The following ABHD8 variants were observed in gnomAD, a reference collection of about 807,000 sequenced individuals.
ABHD8 encodes the protein abhydrolase domain containing 8.
A neutral mutation model predicts 29.3 loss-of-function variants in ABHD8; 10 were observed. That is an observed-to-expected ratio of 0.34 (90% CI 0.21 to 0.58). The LOEUF is 0.58. Among genes scored for constraint, ABHD8 ranks in the 20% least tolerant of loss-of-function variants. The pLI, the probability that ABHD8 is intolerant of heterozygous loss-of-function variation, is 0.85. For missense variants in ABHD8, 556 were observed against 615.3 expected (o/e 0.90, Z 1.02); for synonymous variants, 282 against 274.6 (o/e 1.03, Z -0.27).
intron 2 of ABHD8, 91 bp from the exon 3 acceptor site, chr19:17,294,936 T>C: frequency 6.8e-7 from 1 of 1,478,406 alleles, no homozygotes. Flanking sequence ...TTGTTTTTGT[T>C]TTTGTTTGAG....
At chr19:17,299,108 A>T (rs911395180) in intron 2 of ABHD8, among the ~76,000 whole-genome samples, 2 of 152,040 alleles carry the variant, frequency 1.3e-5, no homozygotes, top group African/African-American at 2.4e-5. Context: ...GTCTGATTAC[A>T]TATGCTAATG....
At chr19:17,294,966 C>A in intron 2 of ABHD8, 121 bp from the exon 3 acceptor site, 9 of 1,261,720 alleles carry the variant, frequency 7.1e-6, no homozygotes, top group Non-Finnish European at 9.8e-6. Context: ...CTCTGTCCCC[C>A]AGGCTGGAAT....
Position 17,301,264 on chromosome 19 carries a change from T to A in ABHD8, c.353A>T (p.Glu118Val). ...NGSGEPPAAL[E>V]VELADPAGSD... Reference sequence around the variant, plus strand: ...GCCCGCCGGATCTGCCAGCTCCACCTCCAGGGCGGCCGGCGGCTCCCCAGA... The same window carrying A: ...GCCCGCCGGATCTGCCAGCTCCACCACCAGGGCGGCCGGCGGCTCCCCAGA... The change falls in exon 2 of 5, where the codon GAG becomes GTG. Residue 118 changes from glutamate (E) to valine (V), a missense_variant. Around this residue, in one of 2 missense-constraint regions of ABHD8, gnomAD observed 286 missense variants for 261.4 expected, o/e 1.09. Transcript: ENST00000247706. The A allele has an allele frequency of 6.2e-7, 1 of 1,602,482 alleles. No individual in the cohort carries two copies. Among genetic ancestry groups the A allele is most frequent in the Non-Finnish European group, 8.5e-7 (1 of 1,177,686 alleles).
chr19:17,301,558 G>T lies in ABHD8; in HGVS notation c.59C>A (p.Ala20Asp). 1 of 1,599,880 alleles carries T rather than the reference G, an allele frequency of 6.3e-7. No individual in the cohort carries two copies. The change falls in exon 2 of 5, where the codon GCC becomes GAC. Residue 20 changes from alanine (A) to aspartate (D), a missense_variant. Ala to Asp is a moderately radical substitution (Grantham distance 126, BLOSUM62 -2). Around this residue, in one of 2 missense-constraint regions of ABHD8, gnomAD observed 286 missense variants for 261.4 expected, o/e 1.09. Transcript: ENST00000247706. ...FCCLLGTPPN[A>D]VGPLESVESS... ...CTCGACGCTCTCCAGTGGCCCCACG[G>T]CGTTGGGGGGCGTGCCCAGCAGGCA...
Position 17,300,876 on chromosome 19 carries a change from C to T in ABHD8, c.741G>A (p.Val247=). The change falls in exon 2 of 5, where the codon GTG becomes GTA. Residue 247 remains valine, a synonymous_variant. Coordinates refer to ENST00000247706, the MANE Select transcript of ABHD8 (RefSeq NM_024527.5). ...CTTACCCGTAGGAATGGCCAATGAG[C>T]ACATTTCGCTTCTTGGCATAGCGCT... ...IFKRYAKKRN[V]LIGHSYGVSF... 6.3e-7 allele frequency: 1 copy of T among 1,597,796 alleles called. No homozygotes were observed. The highest frequency in any genetic ancestry group is 1.7e-5 in the Admixed American group (1 of 58,700).
At chr19:17,294,920 T>A (rs2074087091) in intron 2 of ABHD8, 75 bp from the exon 3 acceptor site, 1 of 1,531,004 alleles carries the variant, frequency 6.5e-7, no homozygotes, top group African/African-American at 1.4e-5. Flanking sequence ...ACCATTTTGT[T>A]TTGCTTTGTT....
intron 2 of ABHD8, 136 bp downstream of exon 2, chr19:17,300,720 C>A (rs963013315): frequency 8.7e-7 from 1 of 1,148,488 alleles, no homozygotes; most frequent in Non-Finnish European, 1.2e-6. Context: ...TCAGGTGATC[C>A]GCCTGCCTCG....
At position 17,300,942 on chromosome 19, in the gene ABHD8, G is replaced by A. The variant is rs1319639953; in HGVS notation, c.675C>T (p.Tyr225=). 3 of 1,613,620 alleles carry A rather than the reference G, an allele frequency of 1.9e-6. No homozygotes were observed. Among genetic ancestry groups the A allele is most frequent in the Non-Finnish European group, 2.5e-6 (3 of 1,179,974 alleles). Residue 225 remains tyrosine, a synonymous_variant, in exon 2 of 5, where the codon TAC becomes TAT. Coordinates refer to ENST00000247706, the MANE Select transcript of ABHD8 (RefSeq NM_024527.5). ...ASSAPQVAAA[Y]TFYALAEDMR... ...TGTCCTCAGCCAGCGCATAGAAGGTGTAGGCTGCGGCCACCTGGGGCGCAG... is the reference window on the plus strand; with the variant it reads ...TGTCCTCAGCCAGCGCATAGAAGGTATAGGCTGCGGCCACCTGGGGCGCAG...
intron 2 of ABHD8, chr19:17,296,627 G>A (rs2074094789): frequency 6.6e-6 from 1 of 152,082 alleles, no homozygotes. Context: ...ACGGCCTGTG[G>A]GCTAGTCATT....
intron 2 of ABHD8, 24 bp downstream of exon 2, chr19:17,300,832 C>T (rs2074113972): frequency 1.3e-6 from 2 of 1,563,468 alleles, no homozygotes; most frequent in Non-Finnish European, 1.7e-6. Flanking sequence ...CTCACCCCCA[C>T]CCCACATGCC....
chr19:17,298,074 C>G (rs895060052), intron 2 of ABHD8: 3 of 152,048 alleles, frequency 2.0e-5, no homozygotes, highest in Non-Finnish European at 2.9e-5. Flanking sequence ...GCCACCATGC[C>G]TGGCTAATTT....
intron 2 of ABHD8, among the ~76,000 whole-genome samples, chr19:17,295,895 A>G (rs140050029): frequency 6.7e-6 from 1 of 148,610 alleles, no homozygotes; most frequent in African/African-American, 2.4e-5. Context: ...TTTTTTTATA[A>G]AGACAGGGTC....
intron 2 of ABHD8, among the ~76,000 whole-genome samples, chr19:17,295,349 C>T (rs2074089313): frequency 6.6e-6 from 1 of 152,058 alleles, no homozygotes; most frequent in East Asian, 1.9e-4. Flanking sequence ...TCAAGTGATC[C>T]ATCCGCCTCG....
intron 4 of ABHD8, 65 bp downstream of exon 4, chr19:17,294,223 C>A: frequency 6.5e-7 from 1 of 1,548,582 alleles, no homozygotes; most frequent in Non-Finnish European, 8.7e-7. Flanking sequence ...CCCGCAGAGG[C>A]CACGCCCCTC....
chr19:17,301,688 G>A (rs1238428488), intron 1 of ABHD8, 64 bp from the exon 2 acceptor site: 1 of 1,452,588 alleles, frequency 6.9e-7, no homozygotes, highest in Non-Finnish European at 9.0e-7. Flanking sequence ...CCGTGCAGCA[G>A]GCACTCCCTG....
chr19:17,292,680 G>A lies in ABHD8; in HGVS notation c.1301C>T (p.Pro434Leu). The A allele has an allele frequency of 6.2e-7, 1 of 1,611,564 alleles. No individual in the cohort carries two copies. The highest frequency in any genetic ancestry group is 8.5e-7 in the Non-Finnish European group (1 of 1,179,302). ...PKALPEPLPA[P>L]PEDKK ...CAGCGGCTACTTCTTGTCTTCTGGA[G>A]GCGCCGGCAGTGGCTCCGGTAGAGC... is the stretch of plus-strand genomic sequence containing the variant. Residue 434 changes from proline (P) to leucine (L), a missense_variant, in exon 5 of 5, where the codon CCT becomes CTT. By Grantham distance (98) the Pro-to-Leu change is moderately conservative. Transcript: ENST00000247706.
At chr19:17,300,095 A>G (rs1295211977) in intron 2 of ABHD8, among the ~76,000 whole-genome samples, 1 of 151,208 alleles carries the variant, frequency 6.6e-6, no homozygotes, top group African/African-American at 2.4e-5. Context: ...TAGTAGAGAC[A>G]GGGTTTCACC....
rs767553181 is a variant in ABHD8 at position 17,292,742 on chromosome 19, G to A, written c.1239C>T (p.His413=). The A allele has an allele frequency of 2.0e-5, 33 of 1,613,664 alleles. No individual in the cohort carries two copies. The highest frequency in any genetic ancestry group is 2.5e-5 in the Non-Finnish European group (30 of 1,179,926). ...GCTCGGGCTCCCAGAGCAGGAATTCGTGGAGCAGCGTGTTGACCGTCTCAG... is the reference window on the plus strand; with the variant it reads ...GCTCGGGCTCCCAGAGCAGGAATTCATGGAGCAGCGTGTTGACCGTCTCAG... ...ECPETVNTLL[H]EFLLWEPEPS... is the part of the protein sequence containing the mutation. The change falls in exon 5 of 5, where the codon CAC becomes CAT. Residue 413 remains histidine, a synonymous_variant. Coordinates refer to ENST00000247706, the MANE Select transcript of ABHD8 (RefSeq NM_024527.5).
chr19:17,292,689 A>T lies in ABHD8; in HGVS notation c.1292T>A (p.Leu431Gln), dbSNP rs370658365. 6.2e-7 allele frequency: 1 copy of T among 1,611,924 alleles called. No individual in the cohort carries two copies. The highest frequency in any genetic ancestry group is 8.5e-7 in the Non-Finnish European group (1 of 1,179,436). Reference protein sequence around the residue: ...EPSPKALPEPLPAPPEDKK With the variant: ...EPSPKALPEPQPAPPEDKK ...CTTCTTGTCTTCTGGAGGCGCCGGC[A>T]GTGGCTCCGGTAGAGCCTTGGGCGA... Residue 431 changes from leucine to glutamine, a missense_variant, in exon 5 of 5, where the codon CTG (leucine) becomes CAG (glutamine). Leu to Gln is a moderately radical substitution (Grantham distance 113). Around this residue, in one of 2 missense-constraint regions of ABHD8, gnomAD observed 270 missense variants for 353.9 expected, o/e 0.76. Transcript: ENST00000247706.
Sources: gnomAD v4.1 joint callset for allele counts (sites outside exome capture counted in the v4.1 genomes callset) on GRCh38, gnomAD v4.1.1 for gene constraint, gnomAD v4.1.1 regional missense constraint, MANE v1.5 for transcripts, NCBI Gene and HGNC (gene_info 2026-07-23, HGNC 2026-07-21) for gene names.